CACNA2D1: variants seen among roughly 807,000 people sequenced by gnomAD.
CACNA2D1 encodes calcium voltage-gated channel auxiliary subunit alpha2delta 1, also known as voltage-dependent calcium channel subunit alpha-2/delta-1.
In CACNA2D1, 53 loss-of-function variants were observed where a neutral mutation model predicts 171.5. That is an observed-to-expected ratio of 0.31 (90% CI 0.25 to 0.39). The LOEUF (loss-of-function observed/expected upper bound fraction) is 0.39, where lower values mean the gene tolerates loss of function less well. Ranked by LOEUF, CACNA2D1 falls within the 10% of genes least tolerant of loss-of-function variation. CACNA2D1 has a pLI of 1.00. For missense variants in CACNA2D1, 903 were observed against 1,299.8 expected (o/e 0.69, Z 4.69); for synonymous variants, 442 against 443.1 (o/e 1.00, Z 0.03).
At chr7:82,408,749 A>T (rs2129453879) in intron 1 of CACNA2D1, among the ~76,000 whole-genome samples, 1 of 152,304 alleles carries the variant, frequency 6.6e-6, no homozygotes, top group East Asian at 1.9e-4. Flanking sequence ...TGTAAGTCAA[A>T]TTGAAAGCTA....
chr7:82,081,896 T>A (rs1381824478), intron 7 of CACNA2D1, among the ~76,000 whole-genome samples: 2 of 149,350 alleles, frequency 1.3e-5, no homozygotes, highest in African/African-American at 5.2e-5. Context: ...GGTCCGCCAT[T>A]CCAAGTGCTG....
At chr7:82,229,674 T>C (rs1802702023) in intron 3 of CACNA2D1, among the ~76,000 whole-genome samples, 1 of 148,560 alleles carries the variant, frequency 6.7e-6, no homozygotes, top group Non-Finnish European at 1.5e-5. Context: ...CACTTCTGGT[T>C]TACTTTTTTT....
At chr7:82,419,608 T>G (rs538197035) in intron 1 of CACNA2D1, among the ~76,000 whole-genome samples, 7 of 152,344 alleles carry the variant, frequency 4.6e-5, no homozygotes, top group Admixed American at 1.3e-4. Flanking sequence ...AAGCACTAAA[T>G]TTAACAGCTT....
intron 3 of CACNA2D1, among the ~76,000 whole-genome samples, chr7:82,277,745 C>CTTTTTTTTTTTTTTTTTTT (rs1186719410): frequency 1.4e-5 from 2 of 142,094 alleles, no homozygotes; most frequent in South Asian, 2.2e-4. Context: ...TAATTTTTTA[C>CTTTTTTTTTTTTTTTTTTT]TTTTATTTTT....
chr7:82,070,399 G>A (rs1416725406), intron 7 of CACNA2D1, among the ~76,000 whole-genome samples: 1 of 149,686 alleles, frequency 6.7e-6, no homozygotes, highest in African/African-American at 2.6e-5. Flanking sequence ...GAAATCTTTT[G>A]TATCTTAGTA....
chr7:82,417,459 A>G lies in CACNA2D1; in HGVS notation c.95+25906T>C, dbSNP rs2299186. On this transcript the variant is annotated intron_variant, in intron 1 of 38. Transcript: ENST00000356860. ...TTTAATAGCATACTCGTTATCAGGA[A>G]TTAATGAATAAAACTCACTGATGTG... 2.6e-5 allele frequency among the ~76,000 whole-genome samples: 4 copies of G among 152,392 alleles called. No homozygotes were observed. The East Asian group carries it at 7.7e-4, about 29-fold the overall frequency.
chr7:82,280,557 A>T (rs924622976), intron 3 of CACNA2D1, among the ~76,000 whole-genome samples: 6 of 152,186 alleles, frequency 3.9e-5, no homozygotes, highest in African/African-American at 1.2e-4. Flanking sequence ...CATTACATGA[A>T]ATTTACATTT....
intron 3 of CACNA2D1, among the ~76,000 whole-genome samples, chr7:82,288,068 C>T (rs1179508290): frequency 1.3e-5 from 2 of 151,130 alleles, no homozygotes; most frequent in Non-Finnish European, 2.9e-5. Flanking sequence ...ACTCGATCTC[C>T]TGACCTCGTG....
At chr7:81,995,571 G>C (rs1797957338) in intron 19 of CACNA2D1, among the ~76,000 whole-genome samples, 1 of 152,066 alleles carries the variant, frequency 6.6e-6, no homozygotes, top group Non-Finnish European at 1.5e-5. Flanking sequence ...GGCCGAGGCG[G>C]ACAAATTGCC....
chr7:82,178,817 A>G (rs1796817570), intron 3 of CACNA2D1, among the ~76,000 whole-genome samples: 1 of 152,088 alleles, frequency 6.6e-6, no homozygotes, highest in South Asian at 2.1e-4. Flanking sequence ...CCTCCCTCTA[A>G]ATCACTAAAT....
intron 38 of CACNA2D1, among the ~76,000 whole-genome samples, chr7:81,951,454 C>T (rs781376539): frequency 6.6e-6 from 1 of 152,034 alleles, no homozygotes; most frequent in Non-Finnish European, 1.5e-5. Context: ...GTCACCCAAG[C>T]AATGTACAAT....
At chr7:82,006,945 C>G (rs1481433569) in intron 16 of CACNA2D1, among the ~76,000 whole-genome samples, 1 of 152,024 alleles carries the variant, frequency 6.6e-6, no homozygotes. Flanking sequence ...AGTATATCAC[C>G]TACATTATAA....
At chr7:82,401,095 T>A (rs1235890891) in intron 1 of CACNA2D1, among the ~76,000 whole-genome samples, 1 of 152,160 alleles carries the variant, frequency 6.6e-6, no homozygotes, top group Admixed American at 6.5e-5. Flanking sequence ...GTAACACTTT[T>A]ACACTGTTGG....
intron 5 of CACNA2D1, 63 bp downstream of exon 5, chr7:82,136,572 A>C (rs1043412686): frequency 9.4e-6 from 12 of 1,275,830 alleles, no homozygotes; most frequent in Non-Finnish European, 1.3e-5. Context: ...AATTTATTCT[A>C]TATAAGGCCA....
intron 1 of CACNA2D1, among the ~76,000 whole-genome samples, chr7:82,376,016 C>T: frequency 6.6e-6 from 1 of 152,028 alleles, no homozygotes; most frequent in East Asian, 1.9e-4. Context: ...ATCTTCAGGG[C>T]CTTAAGCCCC....
At chr7:81,986,458 G>C (rs889588757) in intron 21 of CACNA2D1, among the ~76,000 whole-genome samples, 5 of 151,622 alleles carry the variant, frequency 3.3e-5, no homozygotes, top group Non-Finnish European at 5.9e-5. Flanking sequence ...TTTGGGACTG[G>C]ATATCCTAAC....
chr7:82,187,523 CA>C (rs913038415), intron 3 of CACNA2D1, among the ~76,000 whole-genome samples: 6 of 151,024 alleles, frequency 4.0e-5, no homozygotes, highest in Non-Finnish European at 7.4e-5. Flanking sequence ...CACAGAAGGT[CA>C]AAAAATAATC....
At chr7:82,179,338 A>G (rs1585017944) in intron 3 of CACNA2D1, among the ~76,000 whole-genome samples, 1 of 152,140 alleles carries the variant, frequency 6.6e-6, no homozygotes. Context: ...GGAGAGGAAA[A>G]AAACAAACAG....
chr7:82,032,647 A>G (rs1376926350), intron 12 of CACNA2D1, 150 bp downstream of exon 12: 4 of 557,590 alleles, frequency 7.2e-6, no homozygotes, highest in Admixed American at 3.0e-5. Context: ...TAATACACCT[A>G]TTAGTTTATA....
Sources: allele counts gnomAD v4.1 joint callset (sites outside exome capture counted in the v4.1 genomes callset), GRCh38; gene constraint gnomAD v4.1.1; transcripts MANE v1.5; gene names NCBI Gene and HGNC (gene_info 2026-07-23, HGNC 2026-07-21).